The following FOXN2 variants were observed in gnomAD, a reference collection of about 807,000 sequenced individuals.
The protein encoded by FOXN2 is forkhead box N2.
In FOXN2, 19 loss-of-function variants were observed where a neutral mutation model predicts 41.2. That is an observed-to-expected ratio of 0.46 (90% CI 0.32 to 0.68). The LOEUF (loss-of-function observed/expected upper bound fraction) is 0.68, where lower values mean the gene tolerates loss of function less well. FOXN2 is among the 30% of genes least tolerant of loss of function. The probability of loss-of-function intolerance (pLI) is 0.03; values close to 1 mark genes in which losing one functional copy is unlikely to be tolerated. For synonymous variants in FOXN2, 195 were observed against 176.8 expected (o/e 1.10, Z -0.82); for missense variants, 587 against 509.4 (o/e 1.15, Z -1.47).
intron 3 of FOXN2, among the ~76,000 whole-genome samples, chr2:48,355,187 G>A (rs1671708356): frequency 6.6e-6 from 1 of 152,162 alleles, no homozygotes; most frequent in Non-Finnish European, 1.5e-5. Context: ...ATACTCAAAA[G>A]GGAGTTGGTC....
At chr2:48,332,028 T>A (rs1572710108) in intron 2 of FOXN2, among the ~76,000 whole-genome samples, 1 of 152,166 alleles carries the variant, frequency 6.6e-6, no homozygotes, top group Admixed American at 6.5e-5. Flanking sequence ...AAAATTATTA[T>A]TTTGAGTATT....
At position 48,377,516 on chromosome 2, in the gene FOXN2, A is replaced by G. The variant is rs538596135; in HGVS notation, c.*2073A>G. The G allele has an allele frequency of 7.2e-5, 11 of 152,192 alleles. No individual in the cohort carries two copies. Among genetic ancestry groups the G allele is most frequent in the South Asian group, 2.1e-4 (1 of 4,832 alleles). 9.4% of individuals were successfully genotyped at this position (152,192 alleles called of 1,614,324 possible). Reference sequence around the variant, plus strand: ...TAATTACTCTTTATAAGGAAAGGAAAGAGAAGCAGAGTTAGTTCCAGCTCT... The same window carrying G: ...TAATTACTCTTTATAAGGAAAGGAAGGAGAAGCAGAGTTAGTTCCAGCTCT... On this transcript the variant is annotated 3_prime_UTR_variant, in exon 7 of 7. Transcript: ENST00000340553.
chr2:48,314,342 T>G (rs530017880), upstream of FOXN2, among the ~76,000 whole-genome samples: 80 of 152,208 alleles, frequency 5.3e-4, no homozygotes, highest in Non-Finnish European at 1.0e-3. Context: ...GCCTTTGCAT[T>G]TTCCCGCTTT....
intron 1 of FOXN2, among the ~76,000 whole-genome samples, chr2:48,321,460 C>T (rs1291917603): frequency 1.3e-5 from 2 of 152,044 alleles, no homozygotes; most frequent in Non-Finnish European, 2.9e-5. Context: ...GGCCTGAACC[C>T]GGGAGGCAGA....
intron 1 of FOXN2, among the ~76,000 whole-genome samples, chr2:48,316,937 A>T (rs1443535149): frequency 1.6e-4 from 2 of 12,874 alleles, no homozygotes; most frequent in African/African-American, 9.8e-4. Flanking sequence ...AATGGTGCTC[A>T]ATCAGAAAAG....
chr2:48,364,091 G>T (rs567853655), intron 5 of FOXN2, among the ~76,000 whole-genome samples: 28 of 152,076 alleles, frequency 1.8e-4, no homozygotes, highest in African/African-American at 6.3e-4. Context: ...AAAAATTTGG[G>T]ATATTTTGTT....
intron 1 of FOXN2, among the ~76,000 whole-genome samples, chr2:48,316,005 T>C (rs1307451865): frequency 2.6e-5 from 4 of 152,170 alleles, no homozygotes; most frequent in Non-Finnish European, 5.9e-5. Context: ...TCTCCTATCT[T>C]TTTTCTGATT....
At chr2:48,338,779 A>C (rs1285285536) in intron 2 of FOXN2, among the ~76,000 whole-genome samples, 2 of 152,206 alleles carry the variant, frequency 1.3e-5, no homozygotes, top group Non-Finnish European at 2.9e-5. Context: ...ACATGTATAC[A>C]TTTTTGGTGA....
chr2:48,321,112 C>T (rs958189246), intron 1 of FOXN2, among the ~76,000 whole-genome samples: 2 of 152,050 alleles, frequency 1.3e-5, no homozygotes, highest in Non-Finnish European at 2.9e-5. Context: ...ATGTTCACTA[C>T]ATGTTATGGT....
intron 2 of FOXN2, among the ~76,000 whole-genome samples, chr2:48,335,211 TG>T (rs1670257535): frequency 1.3e-5 from 2 of 152,240 alleles, no homozygotes; most frequent in African/African-American, 4.8e-5. Context: ...ACGTTTAATA[TG>T]TTCAGTAACA....
chr2:48,368,584 C>T (rs918018580), intron 5 of FOXN2, among the ~76,000 whole-genome samples: 4 of 152,030 alleles, frequency 2.6e-5, no homozygotes, highest in Non-Finnish European at 5.9e-5. Flanking sequence ...TCCAGCTACA[C>T]GAGAGGCTGA....
At position 48,376,267 on chromosome 2, in the gene FOXN2, G is replaced by C. The variant is rs971435380; in HGVS notation, c.*824G>C. The C allele has an allele frequency of 2.6e-5, 4 of 152,112 alleles. No homozygotes were observed. The highest frequency in any genetic ancestry group is 7.2e-5 in the African/African-American group (3 of 41,422). The allele number at this position is 152,112 out of a possible 1,614,324, so 9.4% of individuals were successfully genotyped here. A position where few individuals can be genotyped will look rare whatever the true frequency, so the allele number is the denominator to read the frequency against. Reference sequence around the variant, plus strand: ...CCAGTGAGAGGATATAGCCAATTAAGTGTGTTATGGAGTACACCCATTTTG... The same window carrying C: ...CCAGTGAGAGGATATAGCCAATTAACTGTGTTATGGAGTACACCCATTTTG... On this transcript the variant is annotated 3_prime_UTR_variant, in exon 7 of 7. Transcript: ENST00000340553.
chr2:48,353,332 G>A (rs1051708977), intron 3 of FOXN2, among the ~76,000 whole-genome samples: 3 of 151,906 alleles, frequency 2.0e-5, no homozygotes, highest in Admixed American at 6.6e-5. Context: ...CTGCATTTTC[G>A]TAATTCACTT....
At chr2:48,354,963 A>G (rs1009319441) in intron 3 of FOXN2, among the ~76,000 whole-genome samples, 3 of 152,218 alleles carry the variant, frequency 2.0e-5, no homozygotes, top group African/African-American at 7.2e-5. Flanking sequence ...CTTTCACATC[A>G]TTGATAGGAG....
chr2:48,350,795 C>T (rs1053581048), intron 3 of FOXN2, among the ~76,000 whole-genome samples: 6 of 152,176 alleles, frequency 3.9e-5, no homozygotes, highest in Non-Finnish European at 8.8e-5. Flanking sequence ...CTGGGAATGT[C>T]AGGGATTCTA....
intron 5 of FOXN2, among the ~76,000 whole-genome samples, chr2:48,365,856 A>G (rs1672494263): frequency 6.6e-6 from 1 of 152,194 alleles, no homozygotes; most frequent in African/African-American, 2.4e-5. Flanking sequence ...AGGGAATTTT[A>G]TTTTTGAACT....
intron 3 of FOXN2, among the ~76,000 whole-genome samples, chr2:48,352,168 A>AT (rs1671490741): frequency 6.6e-6 from 1 of 152,170 alleles, no homozygotes; most frequent in South Asian, 2.1e-4. Flanking sequence ...ATAGGGCAAT[A>AT]TATTACCTTA....
intron 3 of FOXN2, among the ~76,000 whole-genome samples, chr2:48,348,465 A>G (rs1026162890): frequency 1.3e-5 from 2 of 152,160 alleles, no homozygotes; most frequent in Non-Finnish European, 2.9e-5. Flanking sequence ...TGTCAGTTTC[A>G]ATATCTGGTC....
At chr2:48,369,672 C>G (rs1672760082) in intron 5 of FOXN2, among the ~76,000 whole-genome samples, 1 of 152,064 alleles carries the variant, frequency 6.6e-6, no homozygotes, top group Non-Finnish European at 1.5e-5. Flanking sequence ...ATTTTACCGT[C>G]ACCTTCCTCT....
Sources: gnomAD v4.1 joint callset for allele counts (sites outside exome capture counted in the v4.1 genomes callset) on GRCh38, gnomAD v4.1.1 for gene constraint, MANE v1.5 for transcripts, NCBI Gene and HGNC (gene_info 2026-07-23, HGNC 2026-07-21) for gene names.